OLR1: variants seen among roughly 807,000 people sequenced by gnomAD.
OLR1 encodes oxidized low-density lipoprotein receptor 1.
Under a neutral mutation model 31.7 loss-of-function variants are expected in OLR1, and 23 were observed. The observed-to-expected ratio is 0.72, with a 90% CI of 0.52 to 1.03. The LOEUF (loss-of-function observed/expected upper bound fraction) is 1.03, where lower values mean the gene tolerates loss of function less well. Among genes scored for constraint, OLR1 ranks in the 50% least tolerant of loss-of-function variants. The pLI is 0.00. For synonymous variants in OLR1, 117 were observed against 115.8 expected, an observed-to-expected ratio of 1.01 and a Z score of -0.07; for missense variants, 286 against 315.7, an observed-to-expected ratio of 0.91 and a Z score of 0.71.
chr12:10,164,477 A>T (rs1243247954), intron 3 of OLR1, among the ~76,000 whole-genome samples: 1 of 152,198 alleles, frequency 6.6e-6, no homozygotes, highest in Non-Finnish European at 1.5e-5. Flanking sequence ...TCAGTGTTCC[A>T]CCTATCAAGG....
chr12:10,160,424 T>G lies in OLR1; in HGVS notation c.603A>C (p.Pro201=). 1 of 1,613,584 alleles carries G rather than the reference T, an allele frequency of 6.2e-7. No individual in the cohort carries two copies. Among genetic ancestry groups the G allele is most frequent in the African/African-American group, 1.3e-5 (1 of 74,952 alleles). The change falls in exon 5 of 6, where the codon CCA becomes CCC. Residue 201 remains proline (P), a synonymous_variant. Transcript: ENST00000309539. ...IQQAISYSSF[P]FWMGLSRRNP... ...TCCTCCGAGACAGCCCCATCCAGAA[T>G]GGAAAACTGGAATAGGAAATTGCTT... is the stretch of plus-strand genomic sequence containing the variant.
At chr12:10,164,936 G>A (rs1242888860) in intron 3 of OLR1, among the ~76,000 whole-genome samples, 1 of 152,106 alleles carries the variant, frequency 6.6e-6, no homozygotes, top group East Asian at 1.9e-4. Flanking sequence ...ATCTGCGTAA[G>A]GCTTGCAAGC....
intron 2 of OLR1, among the ~76,000 whole-genome samples, chr12:10,168,232 C>T (rs540311140): frequency 5.9e-5 from 9 of 152,072 alleles, no homozygotes; most frequent in Admixed American, 2.6e-4. Flanking sequence ...TTCTTTTTTT[C>T]CCTCAATATC....
rs1948665485 is a variant in OLR1, at chr12:10,166,723, G to GCTA, written c.410_412dup (p.Val137dup). 2 of 1,613,898 alleles carry GCTA rather than the reference G, an allele frequency of 1.2e-6. No homozygotes were observed. Among genetic ancestry groups the GCTA allele is most frequent in the Non-Finnish European group, 1.7e-6 (2 of 1,179,984 alleles). ...CCTTCTCCCAATACCTGAACAATTT[G>GCTA]CTACTCTCTTCAGTGTTTCTTGGAG... On this transcript the variant is annotated inframe_insertion, in exon 3 of 6. Coordinates refer to ENST00000309539, the MANE Select transcript of OLR1 (RefSeq NM_002543.4).
At chr12:10,164,017 G>A (rs1378916074) in intron 3 of OLR1, among the ~76,000 whole-genome samples, 3 of 152,146 alleles carry the variant, frequency 2.0e-5, no homozygotes, top group Admixed American at 2.0e-4. Flanking sequence ...GTCAAGGAAT[G>A]GAACATGTTA....
intron 3 of OLR1, among the ~76,000 whole-genome samples, chr12:10,165,657 A>G (rs1354684525): frequency 6.6e-6 from 1 of 151,910 alleles, no homozygotes; most frequent in Admixed American, 6.6e-5. Flanking sequence ...GCTACTAGGG[A>G]GGCTGAGGCA....
At chr12:10,171,905 T>C (rs1445253771) in intron 1 of OLR1, 97 bp downstream of exon 1, 2 of 825,432 alleles carry the variant, frequency 2.4e-6, no homozygotes, top group Admixed American at 4.4e-5. Flanking sequence ...TTCCCATACT[T>C]GGGTGTTTAG....
chr12:10,171,388 A>G (rs1423567429), intron 1 of OLR1, among the ~76,000 whole-genome samples: 1 of 152,234 alleles, frequency 6.6e-6, no homozygotes, highest in Non-Finnish European at 1.5e-5. Flanking sequence ...CAATTTAATT[A>G]CTGTATGGGT....
chr12:10,170,878 C>T (rs978150407), intron 1 of OLR1: 1 of 152,122 alleles, frequency 6.6e-6, no homozygotes, highest in African/African-American at 2.4e-5. Context: ...TCTATAGATT[C>T]TCTTTGTCCT....
intron 3 of OLR1, among the ~76,000 whole-genome samples, chr12:10,162,399 C>T (rs1422499026): frequency 6.6e-6 from 1 of 152,072 alleles, no homozygotes; most frequent in Non-Finnish European, 1.5e-5. Context: ...TGAGAAAGAG[C>T]ATACAAAACA....
chr12:10,164,574 G>A (rs1026399684), intron 3 of OLR1, among the ~76,000 whole-genome samples: 1 of 152,186 alleles, frequency 6.6e-6, no homozygotes, highest in Non-Finnish European at 1.5e-5. Context: ...GTGCAAGCAA[G>A]AAGCTAGAGA....
At chr12:10,171,203 TTC>T (rs1264343899) in intron 1 of OLR1, among the ~76,000 whole-genome samples, 5 of 152,328 alleles carry the variant, frequency 3.3e-5, no homozygotes, top group African/African-American at 1.2e-4. Context: ...TGAGAGAAAT[TTC>T]TGTTTTGTTT....
At chr12:10,170,134 T>A (rs1948698733) in intron 1 of OLR1, among the ~76,000 whole-genome samples, 1 of 152,258 alleles carries the variant, frequency 6.6e-6, no homozygotes, top group African/African-American at 2.4e-5. Context: ...TGTCAGTAGC[T>A]ACATGACTTG....
At chr12:10,171,981 A>C (rs1466049298) in intron 1 of OLR1, 21 bp downstream of exon 1, 1 of 1,581,800 alleles carries the variant, frequency 6.3e-7, no homozygotes, top group Admixed American at 1.7e-5. Context: ...TTCCCTGTAC[A>C]CATTTTCCCA....
intron 2 of OLR1, 144 bp downstream of exon 2, chr12:10,168,930 C>T (rs1326502591): frequency 4.0e-6 from 2 of 502,332 alleles, no homozygotes; most frequent in Middle Eastern, 2.9e-4. Flanking sequence ...TTTTCATGGT[C>T]ACTCTTAAAA....
chr12:10,167,612 G>C (rs529382523), intron 2 of OLR1: 1 of 152,264 alleles, frequency 6.6e-6, no homozygotes, highest in East Asian at 1.9e-4. Flanking sequence ...AATGTCATTA[G>C]CGATTTACTC....
At chr12:10,160,263 G>T in intron 5 of OLR1, 84 bp downstream of exon 5, 1 of 1,100,238 alleles carries the variant, frequency 9.1e-7, no homozygotes, top group Non-Finnish European at 1.3e-6. Flanking sequence ...GACATTGGTG[G>T]GATGCAGGCA....
chr12:10,175,714 G>C (rs1948760678), upstream of OLR1, among the ~76,000 whole-genome samples: 1 of 152,168 alleles, frequency 6.6e-6, no homozygotes, highest in African/African-American at 2.4e-5. Flanking sequence ...GATCTCCCAA[G>C]GGTTGCAAAG....
chr12:10,160,953 C>A, intron 3 of OLR1, 28 bp from the exon 4 acceptor site: 1 of 1,604,438 alleles, frequency 6.2e-7, no homozygotes, highest in South Asian at 1.1e-5. Flanking sequence ...TCTCATCAGT[C>A]AGTTATGTTT....
Sources: allele counts gnomAD v4.1 joint callset (sites outside exome capture counted in the v4.1 genomes callset), GRCh38; gene constraint gnomAD v4.1.1; transcripts MANE v1.5; gene names NCBI Gene and HGNC (gene_info 2026-07-23, HGNC 2026-07-21).